UFM1: variants seen among roughly 807,000 people sequenced by gnomAD.
UFM1 encodes ubiquitin-fold modifier 1.
In UFM1, 9 loss-of-function variants were observed where a neutral mutation model predicts 15.4. The observed-to-expected ratio is 0.59, with a 90% confidence interval of 0.35 to 1.02. The LOEUF is 1.02. Ranked by LOEUF, UFM1 falls within the 50% of genes least tolerant of loss-of-function variation. The probability of loss-of-function intolerance (pLI) is 0.02; values close to 1 mark genes in which losing one functional copy is unlikely to be tolerated. For missense variants in UFM1, 98 were observed against 104.7 expected, an observed-to-expected ratio of 0.94 and a Z score of 0.28; for synonymous variants, 27 against 36.3, an observed-to-expected ratio of 0.74 and a Z score of 0.92.
chr13:38,350,016 A>C lies in UFM1; in HGVS notation c.20A>C (p.Lys7Thr). 2 of 1,614,224 alleles carry C rather than the reference A, an allele frequency of 1.2e-6. No individual in the cohort carries two copies. Among genetic ancestry groups the C allele is most frequent in the Non-Finnish European group, 1.7e-6 (2 of 1,180,044 alleles). The change falls in exon 2 of 6, where the codon AAG becomes ACG. Residue 7 changes from lysine to threonine, a missense_variant. Lys to Thr is a moderately conservative substitution (Grantham distance 78). Coordinates refer to ENST00000239878, the MANE Select transcript of UFM1 (RefSeq NM_016617.4). ...TTCCTCAGGTCGAAGGTTTCCTTTA[A>C]GATCACGCTGACGTCGGACCCACGG... MSKVSF[K>T]ITLTSDPRLP...
At position 38,363,301 on chromosome 13, in the gene UFM1, AG is replaced by A. The variant is rs1159304486; in HGVS notation, c.*2525del. Reference sequence around the variant, plus strand: ...TATTAGGTACAGTAACATGCTCTACAGGTTTGTAGCCTAGGAGCAATAGGCC... The same window carrying A: ...TATTAGGTACAGTAACATGCTCTACAGTTTGTAGCCTAGGAGCAATAGGCC... On this transcript the variant is annotated 3_prime_UTR_variant, in exon 6 of 6. Transcript: ENST00000239878. The A allele has an allele frequency of 6.6e-6, 1 of 152,196 alleles. No homozygotes were observed. Among genetic ancestry groups the A allele is most frequent in the African/African-American group, 2.4e-5 (1 of 41,448 alleles). The allele number at this position is 152,196 out of a possible 1,614,324, so 9.4% of individuals were successfully genotyped here. A position where few individuals can be genotyped will look rare whatever the true frequency, so the allele number is the denominator to read the frequency against.
Position 38,354,279 on chromosome 13 carries a change from A to G in UFM1, c.100A>G (p.Lys34Glu). ...AAGTACACCTTTCACAGCAGTCTTAAAGTTTGCAGCAGAAGAAGTAAGTAC... is the reference window on the plus strand; with the variant it reads ...AAGTACACCTTTCACAGCAGTCTTAGAGTTTGCAGCAGAAGAAGTAAGTAC... ...PESTPFTAVLKFAAEEFKVPA... is the reference protein window; with the variant it reads ...PESTPFTAVLEFAAEEFKVPA... The change falls in exon 3 of 6, where the codon AAG becomes GAG. Residue 34 changes from lysine (K) to glutamate (E), a missense_variant. Transcript: ENST00000239878. 6.2e-7 allele frequency: 1 copy of G among 1,611,168 alleles called. No individual in the cohort carries two copies. Among genetic ancestry groups the G allele is most frequent in the African/African-American group, 1.3e-5 (1 of 74,978 alleles).
intron 3 of UFM1, chr13:38,354,505 C>T (rs1345199437): frequency 2.6e-6 from 1 of 387,550 alleles, no homozygotes; most frequent in African/African-American, 2.1e-5. Context: ...TTAATGCAAC[C>T]ATTGAAAATT....
chr13:38,354,185 C>G lies in UFM1; in HGVS notation c.60-54C>G, dbSNP rs2140054142. 3.2e-6 allele frequency: 5 copies of G among 1,567,564 alleles called. No individual in the cohort carries two copies. In the South Asian group the frequency reaches 4.6e-5, roughly 14 times the overall value. On this transcript the variant is annotated intron_variant, in intron 2 of 5. Coordinates refer to ENST00000239878, the MANE Select transcript of UFM1 (RefSeq NM_016617.4). Reference sequence around the variant, plus strand: ...GTAGTGGAAATAAGGAACAAAGGGGCTTTTTTAGAAAATGGTGACTTTAAA... The same window carrying G: ...GTAGTGGAAATAAGGAACAAAGGGGGTTTTTTAGAAAATGGTGACTTTAAA...
chr13:38,360,121 A>G (rs1233772842), intron 5 of UFM1: 2 of 323,660 alleles, frequency 6.2e-6, no homozygotes, highest in Non-Finnish European at 1.2e-5. Flanking sequence ...AGTTGTTAAT[A>G]TATAATTTTA....
intron 3 of UFM1, among the ~76,000 whole-genome samples, chr13:38,355,386 T>G (rs1879049430): frequency 6.6e-6 from 1 of 152,000 alleles, no homozygotes; most frequent in African/African-American, 2.4e-5. Context: ...GAGTATAGCA[T>G]TGTCATTACT....
intron 4 of UFM1, 109 bp downstream of exon 4, chr13:38,358,241 A>ATTTATGTTGATAT: frequency 7.1e-6 from 4 of 561,690 alleles, no homozygotes; most frequent in Non-Finnish European, 8.6e-6. Context: ...TATGTATATC[A>ATTTATGTTGATAT]ACATAAATGA....
rs1436461270 is a variant in UFM1 at position 38,358,038 on chromosome 13, TG to T, written c.118-54del. The T allele has an allele frequency of 1.3e-4, 19 of 142,652 alleles. No homozygotes were observed. In the African/African-American group the frequency reaches 1.5e-3, roughly 11 times the overall value. 8.8% of individuals were successfully genotyped at this position (142,652 alleles called of 1,614,324 possible). A position where few individuals can be genotyped will look rare whatever the true frequency, so the allele number is the denominator to read the frequency against. Reference sequence around the variant, plus strand: ...ATTCTTGCTAATTATCTTATAGTTTTGTGTGTGTGTGTGTGTGTGTATATAT... The same window carrying T: ...ATTCTTGCTAATTATCTTATAGTTTTTGTGTGTGTGTGTGTGTGTATATAT... On this transcript the variant is annotated intron_variant, in intron 3 of 5. Transcript: ENST00000239878.
intron 3 of UFM1, among the ~76,000 whole-genome samples, chr13:38,357,597 A>T (rs907409196): frequency 6.6e-6 from 1 of 151,774 alleles, no homozygotes; most frequent in Non-Finnish European, 1.5e-5. Context: ...CCCCCTGTGC[A>T]GTTGAAAATC....
At chr13:38,357,307 A>G (rs1879147102) in intron 3 of UFM1, among the ~76,000 whole-genome samples, 2 of 151,952 alleles carry the variant, frequency 1.3e-5, no homozygotes, top group South Asian at 4.1e-4. Context: ...AATTTTAGGA[A>G]TAATCTCATC....
In UFM1 at chr13:38,350,011, C is replaced by A; in HGVS notation, c.15C>A (p.Ser5=). Residue 5 remains serine (S), a synonymous_variant, in exon 2 of 6, where the codon TCC becomes TCA. Transcript: ENST00000239878. ...CTCTTTTCCTCAGGTCGAAGGTTTC[C>A]TTTAAGATCACGCTGACGTCGGACC... is the stretch of plus-strand genomic sequence containing the variant. MSKV[S]FKITLTSDPR... 6.2e-7 allele frequency: 1 copy of A among 1,614,220 alleles called. No individual in the cohort carries two copies. The highest frequency in any genetic ancestry group is 2.2e-5 in the East Asian group (1 of 44,880).
chr13:38,356,291 G>A (rs1453007665), intron 3 of UFM1, among the ~76,000 whole-genome samples: 1 of 151,714 alleles, frequency 6.6e-6, no homozygotes, highest in African/African-American at 2.4e-5. Context: ...CAATCAGTAG[G>A]GTAACTAAAA....
chr13:38,360,888 A>G lies in UFM1; in HGVS notation c.*110A>G, dbSNP rs1879345703. On this transcript the variant is annotated 3_prime_UTR_variant, in exon 6 of 6. Coordinates refer to ENST00000239878, the MANE Select transcript of UFM1 (RefSeq NM_016617.4). ...CATACTATGAAAACACCAGGAGTCA[A>G]TGATTAATGAAAGGTGACTCATCTG... 1.1e-5 allele frequency: 9 copies of G among 839,002 alleles called. No individual in the cohort carries two copies. Among genetic ancestry groups the G allele is most frequent in the Non-Finnish European group, 1.5e-5 (8 of 517,968 alleles). The allele number at this position is 839,002 out of a possible 1,614,324, so 52.0% of individuals were successfully genotyped here.
intron 2 of UFM1, among the ~76,000 whole-genome samples, chr13:38,352,189 C>T (rs1390469066): frequency 5.3e-5 from 8 of 151,330 alleles, no homozygotes; most frequent in African/African-American, 1.7e-4. Flanking sequence ...CTGCAACGCC[C>T]GCCTTCCCAG....
chr13:38,354,106 A>G (rs1397134964), intron 2 of UFM1, 133 bp from the exon 3 acceptor site: 6 of 690,586 alleles, frequency 8.7e-6, no homozygotes, highest in African/African-American at 1.8e-5. Context: ...GTAGTATGCA[A>G]TCAAAATCAC....
At chr13:38,353,466 A>G (rs1023691518) in intron 2 of UFM1, among the ~76,000 whole-genome samples, 9 of 152,138 alleles carry the variant, frequency 5.9e-5, no homozygotes, top group African/African-American at 1.7e-4. Context: ...TTCTTAAGGT[A>G]TAAAGTAAAT....
rs1170308694 is a variant in UFM1, at chr13:38,361,734, G to A, written c.*956G>A. On this transcript the variant is annotated 3_prime_UTR_variant, in exon 6 of 6. Transcript: ENST00000239878. Reference sequence around the variant, plus strand: ...AATAAGAAGCCAGGAAAGGAAAGATGGGGAAGCCCAGATCACCAGGCTTCT... The same window carrying A: ...AATAAGAAGCCAGGAAAGGAAAGATAGGGAAGCCCAGATCACCAGGCTTCT... 1 of 152,240 alleles carries A rather than the reference G, an allele frequency of 6.6e-6. No individual in the cohort carries two copies. The highest frequency in any genetic ancestry group is 2.4e-5 in the African/African-American group (1 of 41,460). 9.4% of individuals were successfully genotyped at this position (152,240 alleles called of 1,614,324 possible).
intron 2 of UFM1, among the ~76,000 whole-genome samples, chr13:38,351,019 A>G (rs1275141377): frequency 2.0e-5 from 3 of 152,202 alleles, no homozygotes; most frequent in South Asian, 2.1e-4. Context: ...TCTCTCCTAC[A>G]TGATTTACTA....
In UFM1 at chr13:38,358,037, TTGTGTG is replaced by T. The variant is rs71673975; in HGVS notation, c.118-40_118-35del. The stretch of plus-strand genomic sequence containing the variant: ...CATTCTTGCTAATTATCTTATAGTT[TTGTGTG>T]TGTGTGTGTGTGTGTATATATATAT... On this transcript the variant is annotated intron_variant, in intron 3 of 5. Transcript: ENST00000239878. 557 of 489,846 alleles carry T rather than the reference TTGTGTG, an allele frequency of 1.1e-3. 1 individual carries two copies. The highest frequency in any genetic ancestry group is 0.01 in the African/African-American group (496 of 48,046). The allele number at this position is 489,846 out of a possible 1,614,324, so 30.3% of individuals were successfully genotyped here. A position where few individuals can be genotyped will look rare whatever the true frequency, so the allele number is the denominator to read the frequency against.
Sources: allele counts gnomAD v4.1 joint callset (sites outside exome capture counted in the v4.1 genomes callset), GRCh38; gene constraint gnomAD v4.1.1; transcripts MANE v1.5; gene names NCBI Gene and HGNC (gene_info 2026-07-23, HGNC 2026-07-21).